DMBT1: variants seen among roughly 807,000 people sequenced by gnomAD.
DMBT1 encodes deleted in malignant brain tumors 1.
Under a neutral mutation model 252.9 loss-of-function variants are expected in DMBT1, and 198 were observed. That is an observed-to-expected ratio of 0.78 (90% confidence interval 0.70 to 0.88). DMBT1 has a LOEUF of 0.88. Ranked by LOEUF, DMBT1 falls within the 40% of genes least tolerant of loss-of-function variation. DMBT1 has a pLI of 0.00. For missense variants in DMBT1, 2,432 were observed against 2,404.7 expected, an observed-to-expected ratio of 1.01 and a Z score of -0.24; for synonymous variants, 990 against 942.7, an observed-to-expected ratio of 1.05 and a Z score of -0.92.
chr10:122,589,903 C>T (rs1182840406), intron 17 of DMBT1, among the ~76,000 whole-genome samples: 2 of 148,660 alleles, frequency 1.3e-5, no homozygotes, highest in African/African-American at 4.9e-5. Context: ...CACCTCTATA[C>T]TTGGGGATCC....
Position 122,617,887 on chromosome 10 carries a change from C to T in DMBT1, c.4892-130C>T, listed in dbSNP as rs891040876. The T allele has an allele frequency of 8.2e-6, 12 of 1,467,004 alleles. 1 individual carries two copies. In the African/African-American group the frequency reaches 1.1e-4, roughly 14 times the overall value. The allele number at this position is 1,467,004 out of a possible 1,614,324, so 90.9% of individuals were successfully genotyped here. A position where few individuals can be genotyped will look rare whatever the true frequency, so the allele number is the denominator to read the frequency against. On this transcript the variant is annotated intron_variant, in intron 40 of 55. Transcript: ENST00000338354. ...TATGATAAAGCTGAACCTCCGGTAG[C>T]AGTTGTATGCAATTGTGACTGCTTG...
At chr10:122,564,720 T>C (rs2012282) in intron 1 of DMBT1, among the ~76,000 whole-genome samples, 101,543 of 151,562 alleles carry the variant, frequency 0.67, 34,384 homozygotes, top group East Asian at 0.78. Flanking sequence ...GTAAGAGTAC[T>C]GTATTTTATT....
chr10:122,619,369 C>A (rs763595552), intron 42 of DMBT1, 32 bp downstream of exon 42: 1 of 1,613,838 alleles, frequency 6.2e-7, no homozygotes. Context: ...TCGGGATGTC[C>A]CTTCTCTTTC....
chr10:122,599,581 G>A (rs1402159613), intron 26 of DMBT1, among the ~76,000 whole-genome samples: 1 of 152,180 alleles, frequency 6.6e-6, no homozygotes, highest in Admixed American at 6.5e-5. Context: ...ATTCTATCAC[G>A]CCTGGGTTGT....
chr10:122,589,462 G>A (rs532566875), intron 17 of DMBT1, among the ~76,000 whole-genome samples, 195 bp downstream of exon 17: 7 of 148,292 alleles, frequency 4.7e-5, no homozygotes, highest in African/African-American at 1.7e-4. Context: ...GAGGACAATG[G>A]GCCAAAGTGA....
chr10:122,579,767 G>C lies in DMBT1; in HGVS notation c.869G>C (p.Gly290Ala). ...TCAGCCCCAGGAAATGCCCAGTTTGGCCAGGGCTCAGGACCCATTGTCCTG... is the reference window on the plus strand; with the variant it reads ...TCAGCCCCAGGAAATGCCCAGTTTGCCCAGGGCTCAGGACCCATTGTCCTG... Reference protein sequence around the residue: ...AMSAPGNAQFGQGSGPIVLDD... With the variant: ...AMSAPGNAQFAQGSGPIVLDD... The change falls in exon 10 of 56, where the codon GGC becomes GCC. Residue 290 changes from glycine (G) to alanine (A), a missense_variant. Gly to Ala is a moderately conservative substitution (Grantham distance 60). Transcript: ENST00000338354. 6.2e-7 allele frequency: 1 copy of C among 1,613,802 alleles called. No homozygotes were observed. The highest frequency in any genetic ancestry group is 8.5e-7 in the Non-Finnish European group (1 of 1,179,758).
chr10:122,591,579 T>G, intron 19 of DMBT1, 62 bp downstream of exon 19: 4 of 1,497,252 alleles, frequency 2.7e-6, no homozygotes, highest in South Asian at 1.2e-5. Flanking sequence ...ATGTTTTCTC[T>G]GAAAATGATA....
intron 2 of DMBT1, among the ~76,000 whole-genome samples, chr10:122,567,810 A>G (rs2097612370): frequency 6.6e-6 from 1 of 152,144 alleles, no homozygotes; most frequent in South Asian, 2.1e-4. Flanking sequence ...AGGCTGGAAA[A>G]GTAGGTCGAG....
intron 25 of DMBT1, among the ~76,000 whole-genome samples, chr10:122,598,392 T>C (rs1018819339): frequency 6.6e-6 from 1 of 152,150 alleles, no homozygotes; most frequent in Non-Finnish European, 1.5e-5. Context: ...GGCCTTGTCA[T>C]ACCTGTGAAA....
At chr10:122,585,363 G>T in intron 15 of DMBT1, 54 bp downstream of exon 15, 1 of 1,554,586 alleles carries the variant, frequency 6.4e-7, no homozygotes, top group Non-Finnish European at 8.8e-7. Context: ...CTGGACAAAT[G>T]TTTTTTTCTG....
intron 17 of DMBT1, among the ~76,000 whole-genome samples, chr10:122,590,234 C>T (rs914737528): frequency 2.0e-5 from 3 of 148,960 alleles, no homozygotes; most frequent in Non-Finnish European, 4.5e-5. Context: ...CAGAGCACTG[C>T]AGCATCTTGC....
intron 1 of DMBT1, 141 bp downstream of exon 1, chr10:122,560,972 A>G: frequency 1.7e-6 from 1 of 577,254 alleles, no homozygotes; most frequent in Non-Finnish European, 3.0e-6. Context: ...AATTGTTTGC[A>G]GGTATTCAGG....
intron 7 of DMBT1, 109 bp from the exon 8 acceptor site, chr10:122,577,702 G>A (rs926003865): frequency 5.4e-5 from 69 of 1,287,924 alleles, no homozygotes; most frequent in Non-Finnish European, 6.3e-5. Context: ...CTTGGTGGGC[G>A]TGTGATGGGC....
intron 46 of DMBT1, 31 bp from the exon 47 acceptor site, chr10:122,629,809 A>G: frequency 6.2e-7 from 1 of 1,609,474 alleles, no homozygotes; most frequent in Non-Finnish European, 8.5e-7. Context: ...AAGACCTGGT[A>G]CAATGGAGAT....
Position 122,578,705 on chromosome 10 carries a change from T to C in DMBT1, c.638-13T>C. ...AGTCCAATTGTATCCTTTCTCTTTG[T>C]TGCTGTTTACAGAAAGTTGGCCTGT... On this transcript the variant is annotated splice_polypyrimidine_tract_variant and intron_variant, in intron 8 of 55. Coordinates refer to ENST00000338354, the MANE Select transcript of DMBT1 (RefSeq NM_001377530.1). The C allele has an allele frequency of 6.2e-7, 1 of 1,604,454 alleles. No homozygotes were observed. Among genetic ancestry groups the C allele is most frequent in the Non-Finnish European group, 8.5e-7 (1 of 1,174,492 alleles).
chr10:122,621,474 C>CTCCTGTGTT, intron 44 of DMBT1, 94 bp downstream of exon 44: 2 of 1,573,742 alleles, frequency 1.3e-6, no homozygotes, highest in Non-Finnish European at 1.7e-6. Context: ...CTCAAAGCTT[C>CTCCTGTGTT]TCCTGTGTTT....
chr10:122,562,047 C>A (rs1034635849), intron 1 of DMBT1, among the ~76,000 whole-genome samples: 3 of 151,496 alleles, frequency 2.0e-5, no homozygotes, highest in Admixed American at 2.0e-4. Flanking sequence ...TTCTCATCAT[C>A]TATTGGGCAG....
In DMBT1 at chr10:122,592,239, G is replaced by A. The variant is rs547143493; in HGVS notation, c.2177-33G>A. ...GCCTTAGATCCTTACCTCATGGTAG[G>A]GATGGATAAAGGGTTCTTGTGTTCC... On this transcript the variant is annotated intron_variant, in intron 19 of 55. Transcript: ENST00000338354. 12 of 1,582,502 alleles carry A rather than the reference G, an allele frequency of 7.6e-6. 3 individuals are homozygous for A. The highest frequency in any genetic ancestry group is 3.4e-5 in the Admixed American group (2 of 59,370).
Position 122,631,121 on chromosome 10 carries a change from T to A in DMBT1, c.6186T>A (p.Val2062=). The A allele has an allele frequency of 6.2e-7, 1 of 1,613,998 alleles. No homozygotes were observed. Residue 2062 remains valine, a synonymous_variant, in exon 49 of 56, where the codon GTT becomes GTA. Coordinates refer to ENST00000338354, the MANE Select transcript of DMBT1 (RefSeq NM_001377530.1). ...GACAGCTAGGGTGTGGACGTGCAGT[T>A]TCAGCCCTTGGAAATGCATATTTTG... ...VCRQLGCGRA[V]SALGNAYFGS... is the part of the protein sequence containing the mutation.
Sources: gnomAD v4.1 joint callset for allele counts (sites outside exome capture counted in the v4.1 genomes callset) on GRCh38, gnomAD v4.1.1 for gene constraint, MANE v1.5 for transcripts, NCBI Gene and HGNC (gene_info 2026-07-23, HGNC 2026-07-21) for gene names.